The following CACNB2 variants were observed in gnomAD, a reference collection of about 807,000 sequenced individuals.
The protein encoded by CACNB2 is voltage-dependent L-type calcium channel subunit beta-2.
Under a neutral mutation model 73.3 loss-of-function variants are expected in CACNB2, and 42 were observed. The observed-to-expected ratio is 0.57, with a 90% CI of 0.45 to 0.74. CACNB2 has a LOEUF of 0.74. CACNB2 is among the 30% of genes least tolerant of loss of function. CACNB2 has a pLI of 0.00. For missense variants in CACNB2, 940 were observed against 853.0 expected (o/e 1.10, Z -1.27); for synonymous variants, 348 against 310.3 (o/e 1.12, Z -1.28).
At chr10:18,235,285 C>A (rs1451137655) in intron 2 of CACNB2, among the ~76,000 whole-genome samples, 1 of 151,680 alleles carries the variant, frequency 6.6e-6, no homozygotes, top group Non-Finnish European at 1.5e-5. Flanking sequence ...AGACCCAGTC[C>A]CTATAAAAAA....
rs867103513 is a variant in CACNB2 at position 18,199,910 on chromosome 10, C to A, written c.213+48935C>A. ...GTATACATTTTAAGGTAGAAGCAAC[C>A]TGTAGAGTTTGCAATGCATTGTATA... On this transcript the variant is annotated intron_variant, in intron 2 of 13. Coordinates refer to ENST00000324631, the MANE Select transcript of CACNB2 (RefSeq NM_201596.3). 2.7e-5 allele frequency among the ~76,000 whole-genome samples: 4 copies of A among 146,272 alleles called. No homozygotes were observed. The South Asian group carries it at 8.8e-4, about 32-fold the overall frequency.
intron 2 of CACNB2, among the ~76,000 whole-genome samples, chr10:18,350,313 C>A (rs11013768): frequency 6.6e-6 from 1 of 152,198 alleles, no homozygotes; most frequent in African/African-American, 2.4e-5. Context: ...GAAGTAGACA[C>A]ATGATCATCT....
chr10:18,282,446 C>T lies in CACNB2; in HGVS notation c.214-119478C>T, dbSNP rs188195568. On this transcript the variant is annotated intron_variant, in intron 2 of 13. Transcript: ENST00000324631. ...GACCAGTCACCTGGGGAGGCACTGG[C>T]ATCAGCCTGGGAAATGGTCAAAGCT... Among the ~76,000 whole-genome samples, 330 of 152,336 alleles carry T rather than the reference C, an allele frequency of 2.2e-3. 1 individual carries two copies. The highest frequency in any genetic ancestry group is 3.9e-3 in the Non-Finnish European group (268 of 68,040).
At chr10:18,265,178 T>TCTCA (rs923224457) in intron 2 of CACNB2, among the ~76,000 whole-genome samples, 37 of 136,552 alleles carry the variant, frequency 2.7e-4, no homozygotes, top group African/African-American at 9.6e-4. Context: ...TGAGATGGAG[T>TCTCA]CTCACTCTGT....
intron 5 of CACNB2, among the ~76,000 whole-genome samples, chr10:18,504,456 C>G (rs2050379152): frequency 6.6e-6 from 1 of 152,044 alleles, no homozygotes; most frequent in Non-Finnish European, 1.5e-5. Flanking sequence ...CCTTAGGACT[C>G]TGAGTTATCC....
chr10:18,203,384 A>G (rs140728719), intron 2 of CACNB2, among the ~76,000 whole-genome samples: 1,969 of 152,288 alleles, frequency 0.013, 104 homozygotes, highest in Admixed American at 0.087. Flanking sequence ...GGCATTAGTC[A>G]CTTTTCCTTG....
At chr10:18,192,268 G>GTTCATTCATTCA (rs75149644) in intron 2 of CACNB2, among the ~76,000 whole-genome samples, 109,447 of 151,306 alleles carry the variant, frequency 0.72, 40,480 homozygotes, top group Non-Finnish European at 0.8. Context: ...TCAGACTTAC[G>GTTCATTCATTCA]TTCATTCATT....
chr10:18,326,212 A>G (rs1236499159), intron 2 of CACNB2, among the ~76,000 whole-genome samples: 1 of 152,230 alleles, frequency 6.6e-6, no homozygotes, highest in African/African-American at 2.4e-5. Context: ...AAAAAAATGG[A>G]CTGAATGATT....
At chr10:18,369,629 G>A (rs1194849214) in intron 2 of CACNB2, among the ~76,000 whole-genome samples, 1 of 152,042 alleles carries the variant, frequency 6.6e-6, no homozygotes, top group Non-Finnish European at 1.5e-5. Context: ...TAAGAGGGTC[G>A]AGCATGGGGT....
chr10:18,446,011 G>A (rs1346387406), intron 3 of CACNB2, among the ~76,000 whole-genome samples: 1 of 152,186 alleles, frequency 6.6e-6, no homozygotes, highest in Non-Finnish European at 1.5e-5. Context: ...TCCAGCCTGG[G>A]TGACCAGAGT....
At chr10:18,438,563 C>T (rs1191102445) in intron 3 of CACNB2, among the ~76,000 whole-genome samples, 1 of 152,202 alleles carries the variant, frequency 6.6e-6, no homozygotes, top group African/African-American at 2.4e-5. Context: ...ACCCTGCGTG[C>T]CGCCAATAGT....
At chr10:18,316,115 A>C (rs1201626184) in intron 2 of CACNB2, among the ~76,000 whole-genome samples, 1 of 152,166 alleles carries the variant, frequency 6.6e-6, no homozygotes, top group Non-Finnish European at 1.5e-5. Context: ...CACACCTCTG[A>C]GATACATTAT....
intron 2 of CACNB2, among the ~76,000 whole-genome samples, chr10:18,302,686 C>T (rs954754506): frequency 6.6e-6 from 1 of 151,954 alleles, no homozygotes; most frequent in Non-Finnish European, 1.5e-5. Context: ...GCATAATGGA[C>T]TTTGAGGACT....
chr10:18,350,515 C>G (rs998477611), intron 2 of CACNB2, among the ~76,000 whole-genome samples: 14 of 152,136 alleles, frequency 9.2e-5, no homozygotes, highest in African/African-American at 3.4e-4. Context: ...TTTCTAATGG[C>G]CCCAGCTGCT....
intron 2 of CACNB2, among the ~76,000 whole-genome samples, chr10:18,330,274 A>T (rs369524265): frequency 2.8e-4 from 42 of 152,366 alleles, no homozygotes; most frequent in African/African-American, 9.6e-4. Context: ...CATATCATGC[A>T]TATGCTTATG....
intron 2 of CACNB2, among the ~76,000 whole-genome samples, chr10:18,201,684 T>G (rs2131313101): frequency 6.6e-6 from 1 of 152,304 alleles, no homozygotes; most frequent in Admixed American, 6.5e-5. Flanking sequence ...AGCATATCCG[T>G]TTTCTTGAAC....
At chr10:18,469,909 A>G (rs56968534) in intron 3 of CACNB2, among the ~76,000 whole-genome samples, 125 of 152,316 alleles carry the variant, frequency 8.2e-4, no homozygotes, top group Middle Eastern at 3.4e-3. Flanking sequence ...ATCCACCCCA[A>G]TAAGTCCTGG....
intron 2 of CACNB2, among the ~76,000 whole-genome samples, chr10:18,184,233 G>T (rs1322078089): frequency 6.6e-6 from 1 of 152,158 alleles, no homozygotes; most frequent in African/African-American, 2.4e-5. Flanking sequence ...AGAAAGACAG[G>T]ACTTCTTGAG....
At chr10:18,437,516 G>C (rs2046197917) in intron 3 of CACNB2, among the ~76,000 whole-genome samples, 1 of 152,216 alleles carries the variant, frequency 6.6e-6, no homozygotes, top group Non-Finnish European at 1.5e-5. Context: ...GAAAACATGA[G>C]AAGATCACAA....
Sources: allele counts gnomAD v4.1 joint callset (sites outside exome capture counted in the v4.1 genomes callset), GRCh38; gene constraint gnomAD v4.1.1; transcripts MANE v1.5; gene names NCBI Gene and HGNC (gene_info 2026-07-23, HGNC 2026-07-21).